Variants in LUZP1 observed in about 807,000 individuals in gnomAD.
LUZP1 encodes the protein filamin mechanobinding actin cross-linking protein.
LUZP1 carries 25 observed loss-of-function variants against 71.3 expected under a neutral mutation model. That is an observed-to-expected ratio of 0.35 (90% CI 0.26 to 0.49). LUZP1 has a LOEUF of 0.49. Among genes scored for constraint, LUZP1 ranks in the 20% least tolerant of loss-of-function variants. LUZP1 has a pLI of 0.99. For missense variants in LUZP1, 1,142 were observed against 1,300.8 expected, an observed-to-expected ratio of 0.88 and a Z score of 1.88; for synonymous variants, 481 against 506.4, an observed-to-expected ratio of 0.95 and a Z score of 0.67.
intron 2 of LUZP1, among the ~76,000 whole-genome samples, chr1:23,118,324 G>A (rs1644102731): frequency 6.6e-6 from 1 of 152,000 alleles, no homozygotes; most frequent in South Asian, 2.1e-4. Flanking sequence ...CTTGAACCCG[G>A]GAGGCGGAGG....
At chr1:23,133,217 G>A (rs915797547) in intron 2 of LUZP1, among the ~76,000 whole-genome samples, 4 of 152,130 alleles carry the variant, frequency 2.6e-5, no homozygotes, top group South Asian at 4.2e-4. Flanking sequence ...CGATATATAC[G>A]AACAGATCTT....
At chr1:23,119,061 G>A (rs189087907) in intron 2 of LUZP1, among the ~76,000 whole-genome samples, 9 of 152,162 alleles carry the variant, frequency 5.9e-5, no homozygotes, top group East Asian at 3.9e-4. Context: ...TATATTCCCC[G>A]TAGCAATTAA....
intron 4 of LUZP1, among the ~76,000 whole-genome samples, chr1:23,090,155 C>T (rs537809097): frequency 1.3e-5 from 2 of 152,134 alleles, no homozygotes; most frequent in South Asian, 4.1e-4. Context: ...GTAGAAAGAG[C>T]ATTGGATTTA....
intron 2 of LUZP1, among the ~76,000 whole-genome samples, chr1:23,155,092 T>C (rs1569686510): frequency 6.6e-6 from 1 of 152,326 alleles, no homozygotes; most frequent in East Asian, 1.9e-4. Context: ...TATCATATTA[T>C]ACTCCATTAC....
rs1644531177 is a variant in LUZP1, at chr1:23,168,728, C to A, written c.-226+38G>T. ...CAACCCCGCCGCCCTCCCCTCCCCG[C>A]GCCGCGCTCCCGCCGCCGCCGCCTC... On this transcript the variant is annotated intron_variant, in intron 2 of 4. Coordinates refer to ENST00000302291, the Ensembl canonical transcript of LUZP1. The A allele has an allele frequency of 5.2e-5, 8 of 153,794 alleles. No individual in the cohort carries two copies. The South Asian group carries it at 1.4e-3, about 27-fold the overall frequency. The allele number at this position is 153,794 out of a possible 1,614,324, so 9.5% of individuals were successfully genotyped here. A position where few individuals can be genotyped will look rare whatever the true frequency, so the allele number is the denominator to read the frequency against.
chr1:23,106,676 C>G (rs947754176), intron 3 of LUZP1, among the ~76,000 whole-genome samples: 1 of 152,036 alleles, frequency 6.6e-6, no homozygotes, highest in South Asian at 2.1e-4. Flanking sequence ...AATTTGAGAG[C>G]CTTCAAAGTA....
intron 2 of LUZP1, among the ~76,000 whole-genome samples, chr1:23,153,146 G>C (rs1488647804): frequency 6.6e-6 from 1 of 152,092 alleles, no homozygotes; most frequent in Non-Finnish European, 1.5e-5. Flanking sequence ...TCCTCAGTAT[G>C]ACTGTTAAGA....
At chr1:23,098,783 A>T (rs1643910306) in intron 3 of LUZP1, among the ~76,000 whole-genome samples, 1 of 152,210 alleles carries the variant, frequency 6.6e-6, no homozygotes, top group African/African-American at 2.4e-5. Context: ...TCCAACAATG[A>T]TCCTATGAGA....
chr1:23,169,800 A>T (rs142853299), intron 1 of LUZP1, among the ~76,000 whole-genome samples: 1 of 152,304 alleles, frequency 6.6e-6, no homozygotes, highest in Non-Finnish European at 1.5e-5. Context: ...ATGCCCTCCC[A>T]CACGCTGGCA....
At chr1:23,171,742 T>TA (rs1205676177) in intron 1 of LUZP1, among the ~76,000 whole-genome samples, 1 of 152,226 alleles carries the variant, frequency 6.6e-6, no homozygotes, top group Non-Finnish European at 1.5e-5. Flanking sequence ...CTGTGAAAAG[T>TA]AATCATGGCT....
At chr1:23,102,013 G>C (rs1238827729) in intron 3 of LUZP1, among the ~76,000 whole-genome samples, 3 of 151,798 alleles carry the variant, frequency 2.0e-5, no homozygotes, top group Non-Finnish European at 2.9e-5. Flanking sequence ...CCACCCTTTT[G>C]CATCCTGTCT....
chr1:23,100,709 A>G (rs534560043), intron 3 of LUZP1, among the ~76,000 whole-genome samples: 28 of 152,348 alleles, frequency 1.8e-4, no homozygotes, highest in Non-Finnish European at 3.5e-4. Context: ...GAAAGACAAC[A>G]GGGGAGATAT....
chr1:23,157,150 G>A (rs1284090648), intron 2 of LUZP1, among the ~76,000 whole-genome samples: 3 of 151,966 alleles, frequency 2.0e-5, no homozygotes, highest in Non-Finnish European at 4.4e-5. Flanking sequence ...CTGGCAACAT[G>A]CCAAAATCCC....
At chr1:23,147,625 A>AG (rs1192998078) in intron 2 of LUZP1, among the ~76,000 whole-genome samples, 1 of 151,288 alleles carries the variant, frequency 6.6e-6, no homozygotes, top group East Asian at 1.9e-4. Flanking sequence ...AAAAAAAAAA[A>AG]AAAAAAAAAA....
chr1:23,129,511 G>A (rs1326834301), intron 2 of LUZP1, among the ~76,000 whole-genome samples: 1 of 152,166 alleles, frequency 6.6e-6, no homozygotes, highest in Non-Finnish European at 1.5e-5. Flanking sequence ...AACCGGGGAG[G>A]CGGAGGTTGC....
intron 2 of LUZP1, among the ~76,000 whole-genome samples, chr1:23,139,125 CCACA>C (rs1299725135): frequency 2.4e-5 from 3 of 125,858 alleles, no homozygotes; most frequent in South Asian, 5.2e-4. Context: ...TTTTTTTTTT[CCACA>C]CACACACAGA....
rs555605342 is a variant in LUZP1, at chr1:23,110,628, G to A, written c.-225-1501C>T. The stretch of plus-strand genomic sequence containing the variant: ...TGCACCTGCGCGCATGCATGAACGC[G>A]CACACATACACACACACACACACAC... On this transcript the variant is annotated intron_variant, in intron 2 of 4. Transcript: ENST00000302291. 3.7e-3 allele frequency among the ~76,000 whole-genome samples: 183 copies of A among 49,024 alleles called. 1 individual carries two copies. Among genetic ancestry groups the A allele is most frequent in the African/African-American group, 0.01 (172 of 16,578 alleles). 32.2% of individuals were successfully genotyped at this position (49,024 alleles called of 152,430 possible).
rs753528576 is a variant in LUZP1 at position 23,093,149 on chromosome 1, A to G, written c.1113T>C (p.His371=). The stretch of plus-strand genomic sequence containing the variant: ...CGTGGCCTCTAAACTTAGTCCTCTC[A>G]TGTCTGCCTTTGCTGGACAGGAAAG... Residue 371 remains histidine, a synonymous_variant, in exon 4 of 5, where the codon CAT becomes CAC. Coordinates refer to ENST00000302291, the Ensembl canonical transcript of LUZP1. This position sits in a 1 kb window ranked among gnomAD's most constrained non-coding sequence, Gnocchi z 4.2. 3 of 1,614,100 alleles carry G rather than the reference A, an allele frequency of 1.9e-6. No individual in the cohort carries two copies. The highest frequency in any genetic ancestry group is 2.5e-6 in the Non-Finnish European group (3 of 1,180,010).
rs1643884542 is a variant in LUZP1, at chr1:23,094,849, A to G, written c.-119-469T>C. Among the ~76,000 whole-genome samples, 1 of 152,048 alleles carries G rather than the reference A, an allele frequency of 6.6e-6. No individual in the cohort carries two copies. Among genetic ancestry groups the G allele is most frequent in the East Asian group, 1.9e-4 (1 of 5,192 alleles). On this transcript the variant is annotated intron_variant, in intron 3 of 4. Transcript: ENST00000302291. The surrounding 1 kb of genome is among the most constrained non-coding windows in gnomAD (Gnocchi z 4.7). Reference sequence around the variant, plus strand: ...AACAATCCTAAGATTTTTTTTTTTAAAGATTATCTCTTATGAGCTATTGTG... The same window carrying G: ...AACAATCCTAAGATTTTTTTTTTTAGAGATTATCTCTTATGAGCTATTGTG...
Sources: gnomAD v4.1 joint callset for allele counts (sites outside exome capture counted in the v4.1 genomes callset) on GRCh38, gnomAD v4.1.1 for gene constraint, Gnocchi (gnomAD v3.1) non-coding constraint, MANE v1.5 for transcripts, NCBI Gene and HGNC (gene_info 2026-07-23, HGNC 2026-07-21) for gene names.